RASAL3: variants seen among roughly 807,000 people sequenced by gnomAD.
The protein encoded by RASAL3 is RAS protein activator like 3, also known as RAS protein activator like-3.
RASAL3 carries 74 observed loss-of-function variants against 105.5 expected under a neutral mutation model. The observed-to-expected ratio is 0.70, with a 90% CI of 0.58 to 0.85. The LOEUF (loss-of-function observed/expected upper bound fraction) is 0.85. Ranked by LOEUF, RASAL3 falls within the 40% of genes least tolerant of loss-of-function variation. RASAL3 has a pLI of 0.00. For synonymous variants in RASAL3, 579 were observed against 591.6 expected (o/e 0.98, Z 0.31); for missense variants, 1,352 against 1,392.0 (o/e 0.97, Z 0.46).
intron 2 of RASAL3, among the ~76,000 whole-genome samples, chr19:15,463,391 C>T (rs1438100871): frequency 6.6e-6 from 1 of 152,084 alleles, no homozygotes; most frequent in Non-Finnish European, 1.5e-5. Flanking sequence ...TCATGCCTGG[C>T]CCATCTGTCA....
At chr19:15,462,662 T>C (rs1228509689) in intron 2 of RASAL3, among the ~76,000 whole-genome samples, 1 of 151,774 alleles carries the variant, frequency 6.6e-6, no homozygotes, top group Non-Finnish European at 1.5e-5. Context: ...TAAAATATGT[T>C]GGGCCTGGGG....
rs1024200500 is a variant in RASAL3 at position 15,457,044 on chromosome 19, A to G, written c.1431+248T>C. ...GCTCAGCCCCAGCCCCTCACAGCTG[A>G]CGCTCAGGTCCCGCCCTTCAAGGTG... On this transcript the variant is annotated intron_variant, in intron 9 of 17. Transcript: ENST00000343625. This position sits in a 1 kb window ranked among gnomAD's most constrained non-coding sequence, Gnocchi z 8.6. Among the ~76,000 whole-genome samples the G allele has an allele frequency of 1.4e-5, 2 of 147,826 alleles. No individual in the cohort carries two copies. The highest frequency in any genetic ancestry group is 1.3e-4 in the Admixed American group (2 of 14,946).
At position 15,453,600 on chromosome 19, in the gene RASAL3, T is replaced by C. The variant is rs1294172721; in HGVS notation, c.2280-103A>G. 4 of 1,229,838 alleles carry C rather than the reference T, an allele frequency of 3.3e-6. No individual in the cohort carries two copies. Among genetic ancestry groups the C allele is most frequent in the Non-Finnish European group, 4.3e-6 (4 of 930,328 alleles). 76.2% of individuals were successfully genotyped at this position (1,229,838 alleles called of 1,614,324 possible). Reference sequence around the variant, plus strand: ...TCACCCCCCACGTGAACTTGTCCTTTCTTTTTTTTTTTTGAGACAAGGTCT... The same window carrying C: ...TCACCCCCCACGTGAACTTGTCCTTCCTTTTTTTTTTTTGAGACAAGGTCT... On this transcript the variant is annotated intron_variant, in intron 14 of 17. Coordinates refer to ENST00000343625, the MANE Select transcript of RASAL3 (RefSeq NM_022904.3). This position sits in a 1 kb window ranked among gnomAD's most constrained non-coding sequence, Gnocchi z 4.2.
Position 15,457,715 on chromosome 19 carries a change from C to T in RASAL3, c.1008G>A (p.Leu336=), listed in dbSNP as rs1172477290. ...VRAELWLDGA[L]LARTAPRAGP... ...CGGCCCGAGGCGCCGTGCGTGCCAG[C>T]AGCGCGCCATCCAGCCACAGCTCGG... The change falls in exon 9 of 18, where the codon CTG becomes CTA. Residue 336 remains leucine (L), a synonymous_variant. Transcript: ENST00000343625. The surrounding 1 kb of genome is among the most constrained non-coding windows in gnomAD (Gnocchi z 8.6). 2 of 1,511,404 alleles carry T rather than the reference C, an allele frequency of 1.3e-6. No homozygotes were observed. Among genetic ancestry groups the T allele is most frequent in the South Asian group, 2.5e-5 (2 of 80,978 alleles). The allele number at this position is 1,511,404 out of a possible 1,614,324, so 93.6% of individuals were successfully genotyped here.
In RASAL3 at chr19:15,464,532, A is replaced by G; in HGVS notation, c.-47T>C. The G allele has an allele frequency of 1.5e-6, 1 of 677,470 alleles. No individual in the cohort carries two copies. The highest frequency in any genetic ancestry group is 2.5e-6 in the Non-Finnish European group (1 of 406,412). The allele number at this position is 677,470 out of a possible 1,614,324, so 42.0% of individuals were successfully genotyped here. ...TGGTTTCCTGACCAGCCCCAGAATC[A>G]GCAGCCGTCTGCACCCCGCCTGGCT... is the stretch of plus-strand genomic sequence containing the variant. On this transcript the variant is annotated 5_prime_UTR_variant, in exon 1 of 18. Coordinates refer to ENST00000343625, the MANE Select transcript of RASAL3 (RefSeq NM_022904.3).
chr19:15,456,391 C>T lies in RASAL3; in HGVS notation c.1576+111G>A. On this transcript the variant is annotated intron_variant, in intron 10 of 17. Coordinates refer to ENST00000343625, the MANE Select transcript of RASAL3 (RefSeq NM_022904.3). This position sits in a 1 kb window ranked among gnomAD's most constrained non-coding sequence, Gnocchi z 4.4. ...CAATTGTCCCCAGGATCCTAGCACCCCCAAAACACCACTCACTACCAGAAT... is the reference window on the plus strand; with the variant it reads ...CAATTGTCCCCAGGATCCTAGCACCTCCAAAACACCACTCACTACCAGAAT... 1.3e-6 allele frequency: 2 copies of T among 1,527,508 alleles called. No homozygotes were observed. Among genetic ancestry groups the T allele is most frequent in the Non-Finnish European group, 1.8e-6 (2 of 1,128,210 alleles). 94.6% of individuals were successfully genotyped at this position (1,527,508 alleles called of 1,614,324 possible).
Position 15,457,367 on chromosome 19 carries a change from G to T in RASAL3, c.1356C>A (p.Pro452=). The change falls in exon 9 of 18, where the codon CCC becomes CCA. Residue 452 remains proline, a synonymous_variant. Coordinates refer to ENST00000343625, the MANE Select transcript of RASAL3 (RefSeq NM_022904.3). This position sits in a 1 kb window ranked among gnomAD's most constrained non-coding sequence, Gnocchi z 8.6. The part of the protein sequence containing the change: ...HYARLCGALE[P]ALPAQAKEEL... Reference sequence around the variant, plus strand: ...CCTCCTTGGCCTGCGCAGGCAGCGCGGGCTCCAGGGCCCCGCAGAGGCGCG... The same window carrying T: ...CCTCCTTGGCCTGCGCAGGCAGCGCTGGCTCCAGGGCCCCGCAGAGGCGCG... The T allele has an allele frequency of 7.0e-7, 1 of 1,426,654 alleles. No individual in the cohort carries two copies. The highest frequency in any genetic ancestry group is 3.1e-5 in the Admixed American group (1 of 32,002). The allele number at this position is 1,426,654 out of a possible 1,614,324, so 88.4% of individuals were successfully genotyped here.
intron 6 of RASAL3, 41 bp downstream of exon 6, chr19:15,460,162 G>A: frequency 6.5e-7 from 1 of 1,548,388 alleles, no homozygotes; most frequent in Non-Finnish European, 8.8e-7. Context: ...GGAGGGGCCA[G>A]TGTTGAACCC....
Position 15,457,380 on chromosome 19 carries a change from C to T in RASAL3, c.1343G>A (p.Gly448Glu), listed in dbSNP as rs1219505233. 1 of 1,444,716 alleles carries T rather than the reference C, an allele frequency of 6.9e-7. No homozygotes were observed. Among genetic ancestry groups the T allele is most frequent in the Non-Finnish European group, 9.1e-7 (1 of 1,104,684 alleles). The allele number at this position is 1,444,716 out of a possible 1,614,324, so 89.5% of individuals were successfully genotyped here. ...CGCAGGCAGCGCGGGCTCCAGGGCCCCGCAGAGGCGCGCATAGTGGAAGGT... is the reference window on the plus strand; with the variant it reads ...CGCAGGCAGCGCGGGCTCCAGGGCCTCGCAGAGGCGCGCATAGTGGAAGGT... The part of the protein sequence containing the change: ...FLTFHYARLC[G>E]ALEPALPAQA... The change falls in exon 9 of 18, where the codon GGG (glycine) becomes GAG (glutamate). Residue 448 changes from glycine to glutamate, a missense_variant. Physicochemically the swap from Gly to Glu is moderately conservative, Grantham distance 98 (BLOSUM62 -2). This residue lies in a region of RASAL3 where 920 missense variants were observed against 919.6 expected (regional missense o/e 1.00). Coordinates refer to ENST00000343625, the MANE Select transcript of RASAL3 (RefSeq NM_022904.3). The surrounding 1 kb of genome is among the most constrained non-coding windows in gnomAD (Gnocchi z 8.6).
chr19:15,462,974 G>A (rs1305110507), intron 2 of RASAL3, among the ~76,000 whole-genome samples: 2 of 151,888 alleles, frequency 1.3e-5, no homozygotes, highest in African/African-American at 4.8e-5. Flanking sequence ...AAAAAATGCT[G>A]GGCCCTAGGC....
intron 8 of RASAL3, 86 bp downstream of exon 8, chr19:15,458,242 G>A: frequency 7.7e-7 from 1 of 1,298,038 alleles, no homozygotes; most frequent in East Asian, 2.5e-5. Flanking sequence ...GCGGGTTATG[G>A]AGCGAGCTGG....
intron 15 of RASAL3, 128 bp from the exon 16 acceptor site, chr19:15,452,943 G>T: frequency 6.9e-7 from 1 of 1,456,054 alleles, no homozygotes; most frequent in Non-Finnish European, 9.2e-7. Flanking sequence ...CATCCCTCCT[G>T]CGGTACAGCT....
At position 15,456,052 on chromosome 19, in the gene RASAL3, G is replaced by T; in HGVS notation, c.1721+52C>A. 1 of 1,592,576 alleles carries T rather than the reference G, an allele frequency of 6.3e-7. No homozygotes were observed. On this transcript the variant is annotated intron_variant, in intron 11 of 17. Transcript: ENST00000343625. The surrounding 1 kb of genome is among the most constrained non-coding windows in gnomAD (Gnocchi z 4.4). ...CTGGCCACCCTAAACTGGAGGTCGGGGCTAGCATGGTAAGCAGGGGTGGGC... is the reference window on the plus strand; with the variant it reads ...CTGGCCACCCTAAACTGGAGGTCGGTGCTAGCATGGTAAGCAGGGGTGGGC...
At position 15,451,766 on chromosome 19, in the gene RASAL3, AC is replaced by A; in HGVS notation, c.*28del. 1 of 1,571,568 alleles carries A rather than the reference AC, an allele frequency of 6.4e-7. No homozygotes were observed. Among genetic ancestry groups the A allele is most frequent in the South Asian group, 1.1e-5 (1 of 87,402 alleles). The stretch of plus-strand genomic sequence containing the variant: ...AAGATGGCTATCTCTCTGCTCCCAG[AC>A]CACGTGTGATGAGGCAGGATGGGCA... On this transcript the variant is annotated 3_prime_UTR_variant, in exon 18 of 18. Transcript: ENST00000343625.
chr19:15,452,209 G>C (rs891935700), intron 16 of RASAL3, 101 bp from the exon 17 acceptor site: 2 of 1,179,694 alleles, frequency 1.7e-6, no homozygotes, highest in Admixed American at 1.7e-5. Context: ...GCTTGGAGTG[G>C]AGGCGGAGCT....
rs1970379206 is a variant in RASAL3 at position 15,457,875 on chromosome 19, T to C, written c.889-41A>G. The C allele has an allele frequency of 6.5e-7, 1 of 1,543,226 alleles. No homozygotes were observed. Among genetic ancestry groups the C allele is most frequent in the African/African-American group, 1.4e-5 (1 of 72,554 alleles). ...GGATGGGGGGAAGCGTTTTGGTTTG[T>C]TGGCACCCCAAAGAAGGCACCGCAA... On this transcript the variant is annotated intron_variant, in intron 8 of 17. Transcript: ENST00000343625. This position sits in a 1 kb window ranked among gnomAD's most constrained non-coding sequence, Gnocchi z 8.6.
intron 16 of RASAL3, 80 bp downstream of exon 16, chr19:15,452,574 TTGGG>T: frequency 2.5e-6 from 2 of 801,486 alleles, no homozygotes; most frequent in Non-Finnish European, 1.6e-6. Context: ...TAGGCGTGGT[TTGGG>T]GGGGGGGGGG....
In RASAL3 at chr19:15,456,116, A is replaced by G. The variant is rs1196764809; in HGVS notation, c.1709T>C (p.Ile570Thr). The G allele has an allele frequency of 6.2e-7, 1 of 1,613,620 alleles. No individual in the cohort carries two copies. Among genetic ancestry groups the G allele is most frequent in the Non-Finnish European group, 8.5e-7 (1 of 1,179,786 alleles). Residue 570 changes from isoleucine to threonine, a missense_variant, in exon 11 of 18, where the codon ATC (isoleucine) becomes ACC (threonine). Physicochemically the swap from Ile to Thr is moderately conservative, Grantham distance 89 (BLOSUM62 -1). Transcript: ENST00000343625. The surrounding 1 kb of genome is among the most constrained non-coding windows in gnomAD (Gnocchi z 4.4). Reference protein sequence around the residue: ...NSCEEVFETIIHSYDWFPAEL... With the variant: ...NSCEEVFETITHSYDWFPAEL... ...CCCTGATTCTCACTCGTAGGAATGGATAATGGTTTCGAAGACCTCCTCGCA... is the reference window on the plus strand; with the variant it reads ...CCCTGATTCTCACTCGTAGGAATGGGTAATGGTTTCGAAGACCTCCTCGCA...
intron 16 of RASAL3, 82 bp downstream of exon 16, chr19:15,452,576 G>GGC (rs1491115987): frequency 6.5e-3 from 214 of 32,828 alleles, no homozygotes; most frequent in Non-Finnish European, 0.011. Context: ...GGCGTGGTTT[G>GGC]GGGGGGGGGG....
Sources: allele counts gnomAD v4.1 joint callset (sites outside exome capture counted in the v4.1 genomes callset), GRCh38; gene constraint gnomAD v4.1.1; regional missense constraint gnomAD v4.1.1; non-coding constraint Gnocchi (gnomAD v3.1); transcripts MANE v1.5; gene names NCBI Gene and HGNC (gene_info 2026-07-23, HGNC 2026-07-21).